Variants in ADRM1 observed in about 807,000 individuals in gnomAD.
ADRM1 encodes the protein ADRM1 26S proteasome ubiquitin receptor.
In ADRM1, 2 loss-of-function variants were observed where a neutral mutation model predicts 40.1. The ratio of observed to expected loss-of-function variants is 0.05; its 90% CI spans 0.02 to 0.16. The LOEUF (loss-of-function observed/expected upper bound fraction) is 0.16, where lower values mean the gene tolerates loss of function less well. ADRM1 is among the 10% of genes least tolerant of loss of function. ADRM1 has a pLI of 1.00. For missense variants in ADRM1, 467 were observed against 552.5 expected, an observed-to-expected ratio of 0.85 and a Z score of 1.55; for synonymous variants, 287 against 240.4, an observed-to-expected ratio of 1.19 and a Z score of -1.79.
intron 5 of ADRM1, 72 bp from the exon 6 acceptor site, chr20:62,307,299 C>A: frequency 6.9e-7 from 1 of 1,439,316 alleles, no homozygotes; most frequent in Non-Finnish European, 9.4e-7. Context: ...GCTCCTCTGG[C>A]CTGGGGAGGG....
rs188849637 is a variant in ADRM1, at chr20:62,305,041, C to T, written c.330+464C>T. On this transcript the variant is annotated intron_variant, in intron 3 of 9. Transcript: ENST00000253003. ...GTCAGTGCCCAGGGTTTCTCTTACC[C>T]ACAGCTGCAGAGCGTCTTTTGGGTC... 2.0e-5 allele frequency among the ~76,000 whole-genome samples: 3 copies of T among 152,376 alleles called. No individual in the cohort carries two copies. The East Asian group carries it at 5.8e-4, about 29-fold the overall frequency.
rs1031685624 is a variant in ADRM1, at chr20:62,308,006, G to A, written c.857-15G>A. 3.1e-6 allele frequency: 5 copies of A among 1,603,806 alleles called. No individual in the cohort carries two copies. Among genetic ancestry groups the A allele is most frequent in the Non-Finnish European group, 4.3e-6 (5 of 1,174,264 alleles). On this transcript the variant is annotated splice_polypyrimidine_tract_variant and intron_variant, in intron 7 of 9. Transcript: ENST00000253003. ...AGGCTGTCATCGAGCTGATGGCCGT[G>A]TTCTTGTGCCCCAGTGGACCTGGCC...
Position 62,308,395 on chromosome 20 carries a change from G to T in ADRM1, c.1042G>T (p.Ala348Ser), listed in dbSNP as rs766527585. The T allele has an allele frequency of 6.2e-7, 1 of 1,608,016 alleles. No homozygotes were observed. The highest frequency in any genetic ancestry group is 1.7e-5 in the Admixed American group (1 of 59,438). Residue 348 changes from alanine (A) to serine (S), a missense_variant, in exon 9 of 10, where the codon GCC becomes TCC. By Grantham distance (99) the Ala-to-Ser change is moderately conservative. Coordinates refer to ENST00000253003, the MANE Select transcript of ADRM1 (RefSeq NM_007002.4). ...QALGMFSAAL[A>S]SGQLGPLMCQ... The stretch of plus-strand genomic sequence containing the variant: ...CCTGGGCATGTTCAGCGCAGCCTTG[G>T]CCTCGGGGCAGCTGGGCCCCCTCAT...
chr20:62,306,581 A>C, intron 4 of ADRM1, 67 bp from the exon 5 acceptor site: 1 of 1,473,694 alleles, frequency 6.8e-7, no homozygotes, highest in Non-Finnish European at 9.3e-7. Context: ...GCAGAGGCGC[A>C]GGCAGTGCGG....
At position 62,308,009 on chromosome 20, in the gene ADRM1, C is replaced by T. The variant is rs1199962117; in HGVS notation, c.857-12C>T. ...CTGTCATCGAGCTGATGGCCGTGTTCTTGTGCCCCAGTGGACCTGGCCAGT... is the reference window on the plus strand; with the variant it reads ...CTGTCATCGAGCTGATGGCCGTGTTTTTGTGCCCCAGTGGACCTGGCCAGT... On this transcript the variant is annotated splice_polypyrimidine_tract_variant and intron_variant, in intron 7 of 9. Coordinates refer to ENST00000253003, the MANE Select transcript of ADRM1 (RefSeq NM_007002.4). 6.2e-7 allele frequency: 1 copy of T among 1,604,648 alleles called. No homozygotes were observed. Among genetic ancestry groups the T allele is most frequent in the Non-Finnish European group, 8.5e-7 (1 of 1,174,796 alleles).
At chr20:62,306,597 C>T (rs944937218) in intron 4 of ADRM1, 51 bp from the exon 5 acceptor site, 25 of 1,532,090 alleles carry the variant, frequency 1.6e-5, no homozygotes, top group Non-Finnish European at 2.2e-5. Flanking sequence ...TGCGGTGGGG[C>T]CCGCGTGGAT....
rs115562292 is a variant in ADRM1, at chr20:62,303,727, C to G, written c.159C>G (p.Asp53Glu). Residue 53 changes from aspartate to glutamate, a missense_variant, in exon 2 of 10, where the codon GAC (aspartate) becomes GAG (glutamate). Around this residue, in one of 3 missense-constraint regions of ADRM1, gnomAD observed 16 missense variants for 49.1 expected, o/e 0.33. Transcript: ENST00000253003. ...GGCTGGTGTACATTCAGCAGACGGACGACTCGCTTATTCACTTCTGCTGGA... is the reference window on the plus strand; with the variant it reads ...GGCTGGTGTACATTCAGCAGACGGAGGACTCGCTTATTCACTTCTGCTGGA... ...RKGLVYIQQTDDSLIHFCWKD... is the reference protein window; with the variant it reads ...RKGLVYIQQTEDSLIHFCWKD... The G allele has an allele frequency of 5.0e-4, 807 of 1,612,366 alleles. 3 individuals are homozygous for G. In the African/African-American group the frequency reaches 9.6e-3, roughly 19 times the overall value.
In ADRM1 at chr20:62,307,440, GCTC is replaced by G. The variant is rs759745239; in HGVS notation, c.619_621del (p.Ser209del). On this transcript the variant is annotated inframe_deletion, in exon 6 of 10. Transcript: ENST00000253003. The stretch of plus-strand genomic sequence containing the variant: ...GGGAGCAGTGGGCCTCCAGGGAGCA[GCTC>G]CTCCTCCAGGTGAGCCTCATCGCTC... 20 of 1,609,350 alleles carry G rather than the reference GCTC, an allele frequency of 1.2e-5. No homozygotes were observed. Among genetic ancestry groups the G allele is most frequent in the Admixed American group, 1.7e-5 (1 of 59,674 alleles).
Position 62,308,793 on chromosome 20 carries a change from T to C in ADRM1, c.*32T>C, listed in dbSNP as rs1274503608. 6.2e-7 allele frequency: 1 copy of C among 1,609,544 alleles called. No individual in the cohort carries two copies. Among genetic ancestry groups the C allele is most frequent in the Non-Finnish European group, 8.5e-7 (1 of 1,178,468 alleles). ...CGCCGTCCTCCGAGGAACTGGGCGC[T>C]TGCAGTGCGTTGCACACCCTCACCT... On this transcript the variant is annotated 3_prime_UTR_variant, in exon 10 of 10. Coordinates refer to ENST00000253003, the MANE Select transcript of ADRM1 (RefSeq NM_007002.4).
chr20:62,308,469 C>T lies in ADRM1; in HGVS notation c.1116C>T (p.Gly372=), dbSNP rs778668348. Residue 372 remains glycine (G), a splice_region_variant and synonymous_variant, in exon 9 of 10, where the codon GGC becomes GGT. Coordinates refer to ENST00000253003, the MANE Select transcript of ADRM1 (RefSeq NM_007002.4). The part of the protein sequence containing the change: ...PAEAVEAANK[G]DVEAFAKAMQ... ...AGGCTGTGGAGGCCGCCAACAAGGG[C>T]GGTAAGTGGCTGCGCCTGCACCTCC... is the stretch of plus-strand genomic sequence containing the variant. The T allele has an allele frequency of 1.6e-5, 25 of 1,600,036 alleles. No individual in the cohort carries two copies. The highest frequency in any genetic ancestry group is 3.4e-5 in the South Asian group (3 of 88,758).
intron 3 of ADRM1, 36 bp from the exon 4 acceptor site, chr20:62,306,161 G>A (rs373918673): frequency 1.5e-4 from 232 of 1,591,290 alleles, no homozygotes; most frequent in Admixed American, 5.9e-4. Flanking sequence ...GTGAGCTGGC[G>A]CCAGCTCCTG....
Position 62,304,174 on chromosome 20 carries a change from C to T in ADRM1, c.214-287C>T, listed in dbSNP as rs1031371304. ...TTTGTTACATTTGAGAGCAGTTCAG[C>T]GTTGACTTTTTAACTACTCTGGGAA... On this transcript the variant is annotated intron_variant, in intron 2 of 9. Coordinates refer to ENST00000253003, the MANE Select transcript of ADRM1 (RefSeq NM_007002.4). 1.0e-5 allele frequency: 5 copies of T among 496,492 alleles called. No homozygotes were observed. In the Admixed American group the frequency reaches 1.3e-4, roughly 13 times the overall value. 30.8% of individuals were successfully genotyped at this position (496,492 alleles called of 1,614,324 possible).
chr20:62,306,423 G>A, intron 4 of ADRM1, 103 bp downstream of exon 4: 1 of 1,586,062 alleles, frequency 6.3e-7, no homozygotes, highest in Non-Finnish European at 8.6e-7. Flanking sequence ...AGTGGAAATA[G>A]AAGATTCTAA....
chr20:62,304,204 G>T, intron 2 of ADRM1: 1 of 526,498 alleles, frequency 1.9e-6, no homozygotes. Context: ...TGGGAATGTT[G>T]TTTCCAGCAC....
chr20:62,303,914 A>G, intron 2 of ADRM1, 133 bp downstream of exon 2: 1 of 844,622 alleles, frequency 1.2e-6, no homozygotes, highest in South Asian at 1.6e-5. Context: ...TGCCCTGCTG[A>G]TGGGTCGTCC....
chr20:62,308,247 T>C, intron 8 of ADRM1, 69 bp downstream of exon 8: 1 of 1,545,490 alleles, frequency 6.5e-7, no homozygotes, highest in Non-Finnish European at 8.7e-7. Context: ...GAGGAGGCCC[T>C]GCCCCACCTT....
Position 62,308,646 on chromosome 20 carries a change from G to A in ADRM1, c.1118-9G>A, listed in dbSNP as rs748051719. ...TTAGACACCACCTTGTGTCTTTAAC[G>A]TGTTCTAGATGTGGAAGCGTTTGCC... On this transcript the variant is annotated splice_polypyrimidine_tract_variant and intron_variant, in intron 9 of 9. Coordinates refer to ENST00000253003, the MANE Select transcript of ADRM1 (RefSeq NM_007002.4). 1.3e-5 allele frequency: 21 copies of A among 1,612,860 alleles called. No individual in the cohort carries two copies. The highest frequency in any genetic ancestry group is 3.3e-5 in the South Asian group (3 of 91,054).
At chr20:62,308,520 T>C in intron 9 of ADRM1, 50 bp downstream of exon 9, 1 of 1,565,272 alleles carries the variant, frequency 6.4e-7, no homozygotes, top group Non-Finnish European at 8.7e-7. Flanking sequence ...GCAGGGTCCA[T>C]TCCTGTCCCC....
intron 4 of ADRM1, 100 bp downstream of exon 4, chr20:62,306,420 A>G: frequency 6.3e-7 from 1 of 1,588,656 alleles, no homozygotes; most frequent in Non-Finnish European, 8.6e-7. Context: ...GGAAGTGGAA[A>G]TAGAAGATTC....
Sources: gnomAD v4.1 joint callset for allele counts (sites outside exome capture counted in the v4.1 genomes callset) on GRCh38, gnomAD v4.1.1 for gene constraint, gnomAD v4.1.1 regional missense constraint, MANE v1.5 for transcripts, NCBI Gene and HGNC (gene_info 2026-07-23, HGNC 2026-07-21) for gene names.